Variants in SLC13A3 observed in about 807,000 individuals in gnomAD.
SLC13A3 encodes the protein solute carrier family 13 member 3, also known as Na(+)/dicarboxylate cotransporter 3.
Under a neutral mutation model 59.0 loss-of-function variants are expected in SLC13A3, and 40 were observed. That is an observed-to-expected ratio of 0.68 (90% CI 0.53 to 0.88). SLC13A3 has a LOEUF of 0.88. Ranked by LOEUF, SLC13A3 falls within the 40% of genes least tolerant of loss-of-function variation. The pLI is 0.00. For missense variants in SLC13A3, 699 were observed against 783.2 expected (o/e 0.89, Z 1.28); for synonymous variants, 317 against 330.3 (o/e 0.96, Z 0.44).
chr20:46,575,305 G>A (rs563444195), intron 10 of SLC13A3, among the ~76,000 whole-genome samples: 21 of 152,292 alleles, frequency 1.4e-4, no homozygotes, highest in East Asian at 5.8e-4. Context: ...CAGAGCCCTC[G>A]AGTCCTAGTA....
At chr20:46,631,372 C>T (rs934813966) in intron 1 of SLC13A3, among the ~76,000 whole-genome samples, 2 of 152,168 alleles carry the variant, frequency 1.3e-5, no homozygotes, top group Non-Finnish European at 2.9e-5. Context: ...AAGTGGTTGT[C>T]CCAAGAAGGA....
intron 1 of SLC13A3, among the ~76,000 whole-genome samples, chr20:46,635,138 T>C (rs2062783292): frequency 1.3e-5 from 2 of 152,200 alleles, no homozygotes; most frequent in Non-Finnish European, 2.9e-5. Context: ...CACTTGCTGT[T>C]TCTTGGACAC....
At chr20:46,575,526 C>T (rs1160674541) in intron 10 of SLC13A3, 47 bp downstream of exon 10, 4 of 1,208,984 alleles carry the variant, frequency 3.3e-6, no homozygotes, top group South Asian at 1.5e-5. Context: ...CCCGCCCACA[C>T]CTGCCTCCCA....
At chr20:46,594,036 C>T (rs1175466435) in intron 5 of SLC13A3, among the ~76,000 whole-genome samples, 1 of 152,022 alleles carries the variant, frequency 6.6e-6, no homozygotes, top group Admixed American at 6.6e-5. Flanking sequence ...ATCACTTCTC[C>T]TCTCCCCAGG....
At chr20:46,613,871 T>C in intron 1 of SLC13A3, 146 bp from the exon 2 acceptor site, 1 of 679,740 alleles carries the variant, frequency 1.5e-6, no homozygotes, top group East Asian at 2.8e-5. Flanking sequence ...CCCCGGCTTG[T>C]TCTCAGGGCA....
chr20:46,569,421 G>A (rs1214583871), intron 10 of SLC13A3, among the ~76,000 whole-genome samples: 1 of 152,170 alleles, frequency 6.6e-6, no homozygotes, highest in East Asian at 1.9e-4. Context: ...GTGAAGAGAA[G>A]GGGCTCTGGA....
intron 1 of SLC13A3, among the ~76,000 whole-genome samples, chr20:46,684,064 C>G (rs1227413050): frequency 6.6e-6 from 1 of 152,176 alleles, no homozygotes; most frequent in African/African-American, 2.4e-5. Flanking sequence ...CCGCCTCTCC[C>G]ATCTCATGTT....
At chr20:46,645,918 A>G (rs920700857) in intron 1 of SLC13A3, among the ~76,000 whole-genome samples, 2 of 152,208 alleles carry the variant, frequency 1.3e-5, no homozygotes, top group Middle Eastern at 3.2e-3. Flanking sequence ...ACATTAATGT[A>G]AAAAGAATAA....
chr20:46,663,458 A>C (rs1179466783), intron 1 of SLC13A3, among the ~76,000 whole-genome samples: 1 of 151,742 alleles, frequency 6.6e-6, no homozygotes, highest in Non-Finnish European at 1.5e-5. Context: ...AAAAAAAAAA[A>C]AGTTGGGGGG....
At chr20:46,578,628 A>T (rs1482019124) in intron 9 of SLC13A3, among the ~76,000 whole-genome samples, 1 of 152,088 alleles carries the variant, frequency 6.6e-6, no homozygotes, top group Non-Finnish European at 1.5e-5. Flanking sequence ...GTGAGCTGAG[A>T]TTGTGTGGCT....
intron 9 of SLC13A3, chr20:46,582,688 C>T (rs1208465379): frequency 2.0e-6 from 2 of 985,176 alleles, no homozygotes; most frequent in Non-Finnish European, 2.4e-6. Flanking sequence ...ACTATACTCC[C>T]CACACTCAAA....
rs540734189 is a variant in SLC13A3, at chr20:46,568,389, G to A, written c.1333-1999C>T. ...CTCCAGTCTGGGTGACAGAGAGAGC[G>A]AGACTCCATCTCAAAAAAAAAAAAA... On this transcript the variant is annotated intron_variant, in intron 10 of 12. Transcript: ENST00000279027. Among the ~76,000 whole-genome samples the A allele has an allele frequency of 3.7e-3, 416 of 112,166 alleles. 3 individuals are homozygous for A. The highest frequency in any genetic ancestry group is 8.9e-3 in the Middle Eastern group (1 of 112). 73.6% of individuals were successfully genotyped at this position (112,166 alleles called of 152,430 possible).
At chr20:46,612,966 G>A (rs2062514476) in intron 2 of SLC13A3, among the ~76,000 whole-genome samples, 1 of 152,142 alleles carries the variant, frequency 6.6e-6, no homozygotes, top group Non-Finnish European at 1.5e-5. Context: ...CTAACAGCCA[G>A]CATTGCCTGC....
chr20:46,581,788 G>A (rs1323859599), intron 9 of SLC13A3, among the ~76,000 whole-genome samples: 1 of 152,152 alleles, frequency 6.6e-6, no homozygotes, highest in Non-Finnish European at 1.5e-5. Context: ...CTATAAAGGT[G>A]CAAAACCTAA....
At chr20:46,632,030 T>C (rs557885602) in intron 1 of SLC13A3, among the ~76,000 whole-genome samples, 2 of 152,212 alleles carry the variant, frequency 1.3e-5, no homozygotes, top group South Asian at 2.1e-4. Context: ...GCAGCTGGCA[T>C]TTTTGTCAGG....
intron 1 of SLC13A3, among the ~76,000 whole-genome samples, chr20:46,661,145 C>T (rs2063027153): frequency 1.3e-5 from 2 of 152,104 alleles, no homozygotes; most frequent in Non-Finnish European, 2.9e-5. Flanking sequence ...TAATGACTGT[C>T]ACATTTTATT....
intron 5 of SLC13A3, among the ~76,000 whole-genome samples, chr20:46,594,758 C>T (rs1292654342): frequency 6.6e-6 from 1 of 151,366 alleles, no homozygotes. Flanking sequence ...TCACCTCTCC[C>T]AGTGCATGGT....
intron 9 of SLC13A3, among the ~76,000 whole-genome samples, chr20:46,581,651 G>A (rs1480805595): frequency 6.6e-6 from 1 of 152,170 alleles, no homozygotes. Context: ...GAAGAAGCTA[G>A]GAAGGAGCAG....
intron 1 of SLC13A3, among the ~76,000 whole-genome samples, chr20:46,622,613 GGT>G (rs137856900): frequency 3.6e-5 from 4 of 112,158 alleles, no homozygotes; most frequent in Non-Finnish European, 5.3e-5. Context: ...ATTGGTGTGT[GGT>G]GTGTGCGTGT....
Sources: allele counts gnomAD v4.1 joint callset (sites outside exome capture counted in the v4.1 genomes callset), GRCh38; gene constraint gnomAD v4.1.1; transcripts MANE v1.5; gene names NCBI Gene and HGNC (gene_info 2026-07-23, HGNC 2026-07-21).